Variants in AGTPBP1 observed in about 807,000 individuals in gnomAD.
AGTPBP1 encodes cytosolic carboxypeptidase 1.
Under a neutral mutation model 143.9 loss-of-function variants are expected in AGTPBP1, and 70 were observed. The ratio of observed to expected loss-of-function variants is 0.49; its 90% CI spans 0.40 to 0.59. The LOEUF (loss-of-function observed/expected upper bound fraction) is 0.59. Ranked by LOEUF, AGTPBP1 falls within the 20% of genes least tolerant of loss-of-function variation. The pLI is 0.00. For synonymous variants in AGTPBP1, 463 were observed against 500.2 expected, an observed-to-expected ratio of 0.93 and a Z score of 0.99; for missense variants, 1,229 against 1,464.5, an observed-to-expected ratio of 0.84 and a Z score of 2.62.
chr9:85,674,804 CTA>C (rs895704456), intron 6 of AGTPBP1, among the ~76,000 whole-genome samples: 1 of 152,196 alleles, frequency 6.6e-6, no homozygotes, highest in Non-Finnish European at 1.5e-5. Flanking sequence ...AATACACAAA[CTA>C]TGTACACACG....
intron 19 of AGTPBP1, among the ~76,000 whole-genome samples, chr9:85,591,057 G>A (rs1378353835): frequency 2.0e-5 from 3 of 152,016 alleles, no homozygotes; most frequent in Admixed American, 6.6e-5. Context: ...AACTGAGGAT[G>A]AGGATACAAT....
At chr9:85,580,237 CAA>C (rs1239351591) in intron 23 of AGTPBP1, among the ~76,000 whole-genome samples, 27 of 88,356 alleles carry the variant, frequency 3.1e-4, no homozygotes, top group Admixed American at 3.6e-4. Flanking sequence ...AACTCCATCT[CAA>C]AAAAAAAAAA....
intron 3 of AGTPBP1, among the ~76,000 whole-genome samples, chr9:85,691,819 G>A (rs758742159): frequency 5.3e-5 from 8 of 151,894 alleles, no homozygotes; most frequent in South Asian, 4.1e-4. Context: ...GTACTCTATC[G>A]GGGTTTTGAT....
At chr9:85,672,439 TTC>T in intron 7 of AGTPBP1, 109 bp downstream of exon 7, 1 of 1,260,394 alleles carries the variant, frequency 7.9e-7, no homozygotes. Flanking sequence ...ATATTAAATC[TTC>T]TCTTTCCTTT....
chr9:85,662,586 G>A (rs540407848), intron 8 of AGTPBP1, among the ~76,000 whole-genome samples: 81 of 152,158 alleles, frequency 5.3e-4, no homozygotes, highest in African/African-American at 1.8e-3. Context: ...AACTAAAATG[G>A]AAAAGAAAAC....
chr9:85,557,086 T>A (rs1826397665), intron 25 of AGTPBP1, among the ~76,000 whole-genome samples: 1 of 152,180 alleles, frequency 6.6e-6, no homozygotes, highest in Admixed American at 6.5e-5. Flanking sequence ...TCTCAGACAC[T>A]TATTGTGAGA....
At chr9:85,562,897 G>A (rs1193780546) in intron 25 of AGTPBP1, among the ~76,000 whole-genome samples, 1 of 152,140 alleles carries the variant, frequency 6.6e-6, no homozygotes, top group Non-Finnish European at 1.5e-5. Context: ...CCTTTGGGAG[G>A]TGATCAGGTC....
At chr9:85,574,479 AAAG>A (rs1441014058) in intron 25 of AGTPBP1, among the ~76,000 whole-genome samples, 2 of 152,086 alleles carry the variant, frequency 1.3e-5, no homozygotes, top group African/African-American at 4.8e-5. Context: ...AAAAAAAAAA[AAAG>A]AATTATGACA....
In AGTPBP1 at chr9:85,571,996, T is replaced by TTG. The variant is rs1295845901; in HGVS notation, c.3503+3317_3503+3318dup. ...TTTGTAATTGGCCATTATTAGTTGT[T>TTG]TGTGTGTGTTTTTTTTTTTTTTTTT... is the stretch of plus-strand genomic sequence containing the variant. On this transcript the variant is annotated intron_variant, in intron 25 of 25. Transcript: ENST00000357081. Among the ~76,000 whole-genome samples, 499 of 125,864 alleles carry TTG rather than the reference T, an allele frequency of 4.0e-3. 3 individuals carry two copies. Among genetic ancestry groups the TTG allele is most frequent in the Non-Finnish European group, 5.0e-3 (313 of 62,150 alleles). 82.6% of individuals were successfully genotyped at this position (125,864 alleles called of 152,430 possible).
chr9:85,715,233 G>A (rs376438248), intron 1 of AGTPBP1, among the ~76,000 whole-genome samples: 84 of 150,528 alleles, frequency 5.6e-4, no homozygotes, highest in African/African-American at 1.9e-3. Flanking sequence ...GTGACAGAGC[G>A]AGACTCTGTC....
chr9:85,684,401 A>G (rs943752118), intron 3 of AGTPBP1, among the ~76,000 whole-genome samples: 7 of 152,128 alleles, frequency 4.6e-5, no homozygotes, highest in Non-Finnish European at 4.4e-5. Flanking sequence ...TCTGAATTCC[A>G]TCCTTTCTAC....
At chr9:85,684,624 C>T (rs982417343) in intron 3 of AGTPBP1, among the ~76,000 whole-genome samples, 1 of 152,102 alleles carries the variant, frequency 6.6e-6, no homozygotes, top group African/African-American at 2.4e-5. Context: ...TTATAACATA[C>T]TGCAATCTTC....
the AGTPBP1 span, among the ~76,000 whole-genome samples, chr9:85,796,292 G>A: frequency 6.6e-6 from 1 of 152,194 alleles, no homozygotes; most frequent in African/African-American, 2.4e-5. Context: ...TTTAATCTAT[G>A]AGTGAGGGGT....
chr9:85,759,429 C>T, the AGTPBP1 span, among the ~76,000 whole-genome samples: 2 of 152,018 alleles, frequency 1.3e-5, no homozygotes, highest in Non-Finnish European at 2.9e-5. Flanking sequence ...GTCTCTCAGA[C>T]CACAGTGCAA....
chr9:85,701,849 C>G (rs1836685574), intron 2 of AGTPBP1, among the ~76,000 whole-genome samples: 1 of 152,186 alleles, frequency 6.6e-6, no homozygotes, highest in Non-Finnish European at 1.5e-5. Flanking sequence ...TCACCTGTTT[C>G]CAAAGGTTAG....
At chr9:85,751,008 C>T in the AGTPBP1 span, among the ~76,000 whole-genome samples, 1 of 152,198 alleles carries the variant, frequency 6.6e-6, no homozygotes, top group Non-Finnish European at 1.5e-5. Context: ...CTTTCCTAAT[C>T]GTACCTCTCT....
chr9:85,736,470 A>AGACT (rs1389541527), intron 1 of AGTPBP1, among the ~76,000 whole-genome samples: 5 of 152,138 alleles, frequency 3.3e-5, no homozygotes, highest in Admixed American at 2.6e-4. Flanking sequence ...ATATATTATC[A>AGACT]ATTACAGTCA....
At chr9:85,555,810 C>A (rs749425879) in intron 25 of AGTPBP1, among the ~76,000 whole-genome samples, 17 of 152,126 alleles carry the variant, frequency 1.1e-4, no homozygotes, top group South Asian at 8.3e-4. Context: ...TTGTTGTAAG[C>A]AGACATGCAC....
chr9:85,689,614 G>T (rs1334248398), intron 3 of AGTPBP1, among the ~76,000 whole-genome samples: 1 of 151,668 alleles, frequency 6.6e-6, no homozygotes, highest in South Asian at 2.1e-4. Flanking sequence ...ATATTTCTTG[G>T]CCGGGCACAG....
Sources: allele counts gnomAD v4.1 joint callset (sites outside exome capture counted in the v4.1 genomes callset), GRCh38; gene constraint gnomAD v4.1.1; transcripts MANE v1.5; gene names NCBI Gene and HGNC (gene_info 2026-07-23, HGNC 2026-07-21).